The following EVA1A variants were observed in gnomAD, a reference collection of about 807,000 sequenced individuals.
EVA1A encodes protein eva-1 homolog A.
In EVA1A, 7 loss-of-function variants were observed where a neutral mutation model predicts 9.8. That is an observed-to-expected ratio of 0.71 (90% CI 0.41 to 1.34). The LOEUF is 1.34. EVA1A is among the 40% of genes most tolerant of loss of function. EVA1A has a pLI of 0.01. For synonymous variants in EVA1A, 90 were observed against 85.6 expected, an observed-to-expected ratio of 1.05 and a Z score of -0.28; for missense variants, 206 against 205.9, an observed-to-expected ratio of 1.00 and a Z score of 0.00.
chr2:75,568,420 T>A (rs1303856208), intron 1 of EVA1A, among the ~76,000 whole-genome samples: 1 of 151,258 alleles, frequency 6.6e-6, no homozygotes, highest in Non-Finnish European at 1.5e-5. Context: ...TAAATAAACC[T>A]TCAAGATTCT....
rs201761583 is a variant in EVA1A at position 75,493,162 on chromosome 2, C to G, written c.*74G>C. On this transcript the variant is annotated 3_prime_UTR_variant, in exon 4 of 4. Transcript: ENST00000393913. ...AATATTAGCAGAGCTGGGTTCAGTT[C>G]CTTGTGCCCACTGTCCCTGCAGACG... The G allele has an allele frequency of 4.7e-5, 72 of 1,524,912 alleles. No individual in the cohort carries two copies. Among genetic ancestry groups the G allele is most frequent in the Non-Finnish European group, 1.5e-5 (17 of 1,135,796 alleles). 94.5% of individuals were successfully genotyped at this position (1,524,912 alleles called of 1,614,324 possible).
intron 1 of EVA1A, among the ~76,000 whole-genome samples, chr2:75,550,753 A>G (rs1336070272): frequency 6.6e-6 from 1 of 152,216 alleles, no homozygotes; most frequent in African/African-American, 2.4e-5. Flanking sequence ...GAAATATTAG[A>G]AATCTGTGTG....
At chr2:75,555,043 G>T (rs1183280732) in intron 1 of EVA1A, among the ~76,000 whole-genome samples, 3 of 152,188 alleles carry the variant, frequency 2.0e-5, no homozygotes, top group African/African-American at 4.8e-5. Context: ...GTGCCAGGGG[G>T]TCACTAAGTG....
At chr2:75,544,861 G>A (rs569863326) in intron 1 of EVA1A, among the ~76,000 whole-genome samples, 1 of 152,210 alleles carries the variant, frequency 6.6e-6, no homozygotes, top group Admixed American at 6.5e-5. Flanking sequence ...AATCTGTAAG[G>A]TATCTTGTTT....
chr2:75,550,570 G>T (rs141715118), intron 1 of EVA1A, among the ~76,000 whole-genome samples: 1 of 152,144 alleles, frequency 6.6e-6, no homozygotes, highest in Non-Finnish European at 1.5e-5. Flanking sequence ...TATACTGAAC[G>T]CACCTGAATT....
chr2:75,541,353 T>C (rs1030225441), intron 1 of EVA1A, among the ~76,000 whole-genome samples: 3 of 152,206 alleles, frequency 2.0e-5, no homozygotes, highest in African/African-American at 7.2e-5. Context: ...AGAGGGACTA[T>C]ACGAGTCGGA....
intron 2 of EVA1A, among the ~76,000 whole-genome samples, chr2:75,520,281 AT>A (rs1675188570): frequency 9.9e-5 from 15 of 151,760 alleles, no homozygotes; most frequent in Middle Eastern, 3.4e-3. Context: ...ATAAGAAAGA[AT>A]TCAGAAGTTT....
chr2:75,553,433 A>T (rs1676595359), intron 1 of EVA1A, among the ~76,000 whole-genome samples: 1 of 152,256 alleles, frequency 6.6e-6, no homozygotes, highest in South Asian at 2.1e-4. Context: ...AGAGATGGAC[A>T]GCAAAACATT....
At chr2:75,552,549 A>C (rs2103972701) in intron 1 of EVA1A, among the ~76,000 whole-genome samples, 1 of 152,318 alleles carries the variant, frequency 6.6e-6, no homozygotes, top group Non-Finnish European at 1.5e-5. Flanking sequence ...CCAGTGTCTT[A>C]TTAGAATCTC....
rs1674094276 is a variant in EVA1A, at chr2:75,493,334, C to T, written c.361G>A (p.Ala121Thr). Reference protein sequence around the residue: ...VFTSAEELERAQRLEERERII... With the variant: ...VFTSAEELERTQRLEERERII... ...CGCTCGCGCTCCTCCAGCCGCTGGG[C>T]GCGCTCCAGCTCCTCCGCAGAGGTG... The change falls in exon 4 of 4, where the codon GCC becomes ACC. Residue 121 changes from alanine (A) to threonine (T), a missense_variant. Transcript: ENST00000393913. 1.2e-6 allele frequency: 2 copies of T among 1,614,052 alleles called. No homozygotes were observed. The highest frequency in any genetic ancestry group is 1.3e-5 in the African/African-American group (1 of 74,948).
upstream of EVA1A, among the ~76,000 whole-genome samples, chr2:75,565,367 G>A (rs944697281): frequency 2.6e-5 from 4 of 152,158 alleles, no homozygotes; most frequent in Non-Finnish European, 2.9e-5. Flanking sequence ...ATTCCAAACA[G>A]TAAGGAGCTC....
chr2:75,555,762 C>T (rs1158479732), intron 1 of EVA1A, among the ~76,000 whole-genome samples: 1 of 152,158 alleles, frequency 6.6e-6, no homozygotes, highest in Non-Finnish European at 1.5e-5. Context: ...CTCCCCAGGC[C>T]CATCTCTGCC....
chr2:75,522,811 C>G (rs1459130869), intron 1 of EVA1A, among the ~76,000 whole-genome samples: 1 of 152,218 alleles, frequency 6.6e-6, no homozygotes, highest in African/African-American at 2.4e-5. Context: ...CCCAATCTGG[C>G]CCCTCATCAG....
At chr2:75,565,862 C>A (rs1223651082), upstream of EVA1A, among the ~76,000 whole-genome samples, 1 of 152,158 alleles carries the variant, frequency 6.6e-6, no homozygotes, top group Non-Finnish European at 1.5e-5. Context: ...TTTTTTCATG[C>A]TTTGCCCTAC....
intron 3 of EVA1A, among the ~76,000 whole-genome samples, chr2:75,502,308 C>A (rs1674459627): frequency 6.6e-6 from 1 of 152,110 alleles, no homozygotes; most frequent in African/African-American, 2.4e-5. Context: ...ATGTTCCCTA[C>A]AAGGGTTTTC....
chr2:75,537,693 C>T (rs1169140180), intron 1 of EVA1A, among the ~76,000 whole-genome samples: 3 of 152,144 alleles, frequency 2.0e-5, no homozygotes, highest in Non-Finnish European at 2.9e-5. Flanking sequence ...AGATGGATCC[C>T]TCATGAATGG....
chr2:75,511,495 A>T (rs1199285076), intron 3 of EVA1A, among the ~76,000 whole-genome samples: 1 of 152,210 alleles, frequency 6.6e-6, no homozygotes, highest in East Asian at 1.9e-4. Flanking sequence ...AAATATCTCC[A>T]TAATATATTA....
intron 1 of EVA1A, among the ~76,000 whole-genome samples, chr2:75,529,995 C>A (rs1675585404): frequency 6.6e-6 from 1 of 152,048 alleles, no homozygotes; most frequent in African/African-American, 2.4e-5. Flanking sequence ...AATTGTTAGA[C>A]CATTCATGAG....
chr2:75,531,555 T>C (rs1268818050), intron 1 of EVA1A, among the ~76,000 whole-genome samples: 1 of 151,848 alleles, frequency 6.6e-6, no homozygotes, highest in African/African-American at 2.4e-5. Flanking sequence ...TATAATATTC[T>C]ATATATGATG....
Sources: allele counts gnomAD v4.1 joint callset (sites outside exome capture counted in the v4.1 genomes callset), GRCh38; gene constraint gnomAD v4.1.1; transcripts MANE v1.5; gene names NCBI Gene and HGNC (gene_info 2026-07-23, HGNC 2026-07-21).